Variants in RYR1 observed in about 807,000 individuals in gnomAD.
RYR1 encodes the protein ryanodine receptor 1.
RYR1 carries 342 observed loss-of-function variants against 583.5 expected under a neutral mutation model. The ratio of observed to expected loss-of-function variants is 0.59; its 90% confidence interval spans 0.54 to 0.64. The LOEUF is 0.64. Among genes scored for constraint, RYR1 ranks in the 30% least tolerant of loss-of-function variants. The pLI is 0.00. For missense variants in RYR1, 6,032 were observed against 6,917.2 expected (o/e 0.87, Z 4.54); for synonymous variants, 2,791 against 2,822.5 (o/e 0.99, Z 0.35).
intron 58 of RYR1, among the ~76,000 whole-genome samples, chr19:38,509,514 G>A (rs71356809): frequency 0.026 from 3,865 of 147,888 alleles, 75 homozygotes; most frequent in Admixed American, 0.047. Flanking sequence ...CTGCAGTGGC[G>A]CGATCTCAGC....
rs1163862737 is a variant in RYR1 at position 38,512,977 on chromosome 19, AAAAT to A, written c.9472+505_9472+508del. On this transcript the variant is annotated intron_variant, in intron 63 of 105. Coordinates refer to ENST00000359596, the MANE Select transcript of RYR1 (RefSeq NM_000540.3). The surrounding 1 kb of genome is among the most constrained non-coding windows in gnomAD (Gnocchi z 5.1). ...GACAACAGAGCAAAATTCTGTCTCT[AAAAT>A]AAATAAATAATAAAATAGGGTCCTT... Among the ~76,000 whole-genome samples the A allele has an allele frequency of 5.9e-5, 9 of 152,140 alleles. No homozygotes were observed. The highest frequency in any genetic ancestry group is 5.9e-4 in the Admixed American group (9 of 15,260).
At chr19:38,491,653 C>G (rs1282873986) in intron 37 of RYR1, among the ~76,000 whole-genome samples, 1 of 152,092 alleles carries the variant, frequency 6.6e-6, no homozygotes, top group East Asian at 1.9e-4. Context: ...TGGTCTTGAA[C>G]TCCTGGGCTC....
chr19:38,482,205 CTGG>C (rs1172922319), intron 31 of RYR1, among the ~76,000 whole-genome samples: 2 of 152,150 alleles, frequency 1.3e-5, no homozygotes, highest in African/African-American at 2.4e-5. Flanking sequence ...TATATTAAAT[CTGG>C]AGAGGGCTGG....
intron 89 of RYR1, among the ~76,000 whole-genome samples, chr19:38,554,304 A>C: frequency 8.1e-4 from 1 of 1,228 alleles, no homozygotes; most frequent in South Asian, 0.026. Flanking sequence ...ATACGAAAAA[A>C]TAGCGGGCAT....
At chr19:38,506,259 G>C (rs560781387) in intron 54 of RYR1, 44 bp from the exon 55 acceptor site, 1 of 1,600,984 alleles carries the variant, frequency 6.2e-7, no homozygotes, top group African/African-American at 1.3e-5. Context: ...TGGGCTTCCT[G>C]CTAGCCCATC....
chr19:38,551,709 T>C (rs570484386), intron 89 of RYR1, among the ~76,000 whole-genome samples: 9 of 152,138 alleles, frequency 5.9e-5, no homozygotes, highest in Non-Finnish European at 1.2e-4. Context: ...TTGTCACAGC[T>C]GGCCTTTTCG....
rs1351125118 is a variant in RYR1, at chr19:38,463,793, A to G, written c.2729A>G (p.His910Arg). 1.9e-6 allele frequency: 3 copies of G among 1,614,070 alleles called. No individual in the cohort carries two copies. ...CTGCACCCGTGTCTTGTGGACTTCC[A>G]CAGCCTTCCAGAGCCTGAGAGGAAC... ...KRLHPCLVDF[H>R]SLPEPERNYN... The change falls in exon 22 of 106, where the codon CAC (histidine) becomes CGC (arginine). Residue 910 changes from histidine to arginine, a missense_variant. His to Arg is a conservative substitution (Grantham distance 29). Around this residue, in one of 11 missense-constraint regions of RYR1, gnomAD observed 2,627 missense variants for 2,961.3 expected, o/e 0.89. Transcript: ENST00000359596.
chr19:38,504,608 TG>T, intron 50 of RYR1, 139 bp from the exon 51 acceptor site: 1 of 1,226,132 alleles, frequency 8.2e-7, no homozygotes. Flanking sequence ...GACTGACATT[TG>T]GGTTTCAAGG....
intron 101 of RYR1, among the ~76,000 whole-genome samples, chr19:38,581,147 A>T (rs929477937): frequency 6.6e-6 from 1 of 151,456 alleles, no homozygotes; most frequent in Non-Finnish European, 1.5e-5. Context: ...GCGTGATCTC[A>T]GCTCACTGCA....
chr19:38,502,690 C>T lies in RYR1; in HGVS notation c.7798C>T (p.Arg2600Cys), dbSNP rs1480598842. ...GGGTCGTTCGCTCACCAAGGCGCAGCGTGACGTCATCGAGGACTGCCTCAT... is the reference window on the plus strand; with the variant it reads ...GGGTCGTTCGCTCACCAAGGCGCAGTGTGACGTCATCGAGGACTGCCTCAT... ...SRGRSLTKAQ[R>C]DVIEDCLMSL... Residue 2600 changes from arginine to cysteine, a missense_variant, in exon 48 of 106, where the codon CGT becomes TGT. This residue lies in a region of RYR1 where 250 missense variants were observed against 162.3 expected (regional missense o/e 1.54). Transcript: ENST00000359596. 6.9e-6 allele frequency: 11 copies of T among 1,604,014 alleles called. No homozygotes were observed. Among genetic ancestry groups the T allele is most frequent in the Admixed American group, 5.0e-5 (3 of 59,556 alleles).
At chr19:38,552,966 A>G (rs1972728391) in intron 89 of RYR1, among the ~76,000 whole-genome samples, 2 of 152,222 alleles carry the variant, frequency 1.3e-5, no homozygotes, top group African/African-American at 4.8e-5. Flanking sequence ...TCTGTTACAC[A>G]AAGTTATAAT....
Position 38,485,866 on chromosome 19 carries a change from CA to C in RYR1, c.5212del (p.Thr1738ArgfsTer34). On this transcript the variant is annotated frameshift_variant, in exon 34 of 106. Coordinates refer to ENST00000359596, the MANE Select transcript of RYR1 (RefSeq NM_000540.3). LOFTEE classifies it high-confidence loss of function. The part of the protein sequence containing the change: ...SMLSEYIVPL[T>X]PETRAITLFP... ...TGCTCTCTGAATACATCGTGCCCCTCACGCCTGAGACCCGCGCCATCACGCT... is the reference window on the plus strand; with the variant it reads ...TGCTCTCTGAATACATCGTGCCCCTCCGCCTGAGACCCGCGCCATCACGCT... 6.2e-7 allele frequency: 1 copy of C among 1,613,838 alleles called. No homozygotes were observed. The highest frequency in any genetic ancestry group is 8.5e-7 in the Non-Finnish European group (1 of 1,179,996).
At chr19:38,528,446 T>C in intron 74 of RYR1, 28 bp downstream of exon 74, 2 of 1,610,236 alleles carry the variant, frequency 1.2e-6, no homozygotes, top group Non-Finnish European at 1.7e-6. Context: ...AAGGGAAGCG[T>C]GAAGGGCTGC....
rs1967590564 is a variant in RYR1 at position 38,459,133 on chromosome 19, G to T, written c.2168-13G>T. The T allele has an allele frequency of 2.5e-6, 4 of 1,612,094 alleles. No homozygotes were observed. The African/African-American group carries it at 5.3e-5, about 22-fold the overall frequency. On this transcript the variant is annotated splice_polypyrimidine_tract_variant and intron_variant, in intron 18 of 105. Transcript: ENST00000359596. ...ACCTGTGACGTCTGACCCATCTCTG[G>T]TGACTGATGCAGGACACGTGGCACG...
intron 71 of RYR1, among the ~76,000 whole-genome samples, chr19:38,526,764 C>A (rs537705728): frequency 6.6e-6 from 1 of 152,260 alleles, no homozygotes; most frequent in Non-Finnish European, 1.5e-5. Context: ...CTCCACGAGG[C>A]CCCTCGAATC....
intron 57 of RYR1, among the ~76,000 whole-genome samples, chr19:38,507,346 A>G (rs1437249739): frequency 2.4e-5 from 1 of 42,316 alleles, no homozygotes; most frequent in African/African-American, 9.3e-5. Context: ...AGAGGCTGAG[A>G]GGGGCGGGGG....
intron 1 of RYR1, among the ~76,000 whole-genome samples, chr19:38,436,530 A>G (rs906484444): frequency 2.0e-5 from 3 of 152,022 alleles, no homozygotes; most frequent in Non-Finnish European, 4.4e-5. Flanking sequence ...ACTCAGCATA[A>G]TATTTTTGAC....
At chr19:38,451,150 G>A (rs142420600) in intron 11 of RYR1, among the ~76,000 whole-genome samples, 1 of 152,220 alleles carries the variant, frequency 6.6e-6, no homozygotes, top group African/African-American at 2.4e-5. Context: ...CCTTGGGGAG[G>A]CACTCGTTTG....
chr19:38,495,750 C>T (rs1969788621), intron 39 of RYR1, among the ~76,000 whole-genome samples: 1 of 152,138 alleles, frequency 6.6e-6, no homozygotes, highest in Admixed American at 6.5e-5. Flanking sequence ...ACCCTTCCTC[C>T]CACAGTGGCT....
Sources: gnomAD v4.1 joint callset for allele counts (sites outside exome capture counted in the v4.1 genomes callset) on GRCh38, gnomAD v4.1.1 for gene constraint, gnomAD v4.1.1 regional missense constraint, Gnocchi (gnomAD v3.1) non-coding constraint, MANE v1.5 for transcripts, NCBI Gene and HGNC (gene_info 2026-07-23, HGNC 2026-07-21) for gene names.